The following CACNA1E variants were observed in gnomAD, a reference collection of about 807,000 sequenced individuals.
The protein encoded by CACNA1E is calcium voltage-gated channel subunit alpha1 E.
A neutral mutation model predicts 259.2 loss-of-function variants in CACNA1E; 40 were observed. The ratio of observed to expected loss-of-function variants is 0.15; its 90% confidence interval spans 0.12 to 0.20. The LOEUF (loss-of-function observed/expected upper bound fraction) is 0.20. Among genes scored for constraint, CACNA1E ranks in the 10% least tolerant of loss-of-function variants. The pLI is 1.00. For missense variants in CACNA1E, 1,874 were observed against 3,040.1 expected (o/e 0.62, Z 9.02); for synonymous variants, 1,104 against 1,138.5 (o/e 0.97, Z 0.61).
In CACNA1E at chr1:181,803,389, C is replaced by T. The variant is rs776501178; in HGVS notation, c.*4555C>T. 7.2e-5 allele frequency: 11 copies of T among 152,304 alleles called. No individual in the cohort carries two copies. Among genetic ancestry groups the T allele is most frequent in the Non-Finnish European group, 1.3e-4 (9 of 68,006 alleles). 9.4% of individuals were successfully genotyped at this position (152,304 alleles called of 1,614,324 possible). A position where few individuals can be genotyped will look rare whatever the true frequency, so the allele number is the denominator to read the frequency against. On this transcript the variant is annotated 3_prime_UTR_variant, in exon 48 of 48. Coordinates refer to ENST00000367573, the MANE Select transcript of CACNA1E (RefSeq NM_001205293.3). Reference sequence around the variant, plus strand: ...GACTCTTATTTTAACAAAATCCAAACAAAATTAACTCAGGGCTTGTGACCT... The same window carrying T: ...GACTCTTATTTTAACAAAATCCAAATAAAATTAACTCAGGGCTTGTGACCT...
chr1:181,414,929 A>G (rs888467392), intron 2 of CACNA1E, among the ~76,000 whole-genome samples: 1 of 152,242 alleles, frequency 6.6e-6, no homozygotes. Context: ...TGCCATGGTA[A>G]GAGCACTGGT....
intron 1 of CACNA1E, among the ~76,000 whole-genome samples, chr1:181,334,770 C>A (rs748039079): frequency 1.3e-5 from 2 of 152,210 alleles, no homozygotes; most frequent in African/African-American, 2.4e-5. Context: ...AGTGTGTTCT[C>A]AACCCAGCAG....
At chr1:181,753,228 G>A (rs1657757304) in intron 27 of CACNA1E, among the ~76,000 whole-genome samples, 1 of 152,200 alleles carries the variant, frequency 6.6e-6, no homozygotes, top group Non-Finnish European at 1.5e-5. Flanking sequence ...GCTTCTCAAG[G>A]TGTGGGTCAT....
At chr1:181,737,729 C>G in intron 23 of CACNA1E, 75 bp downstream of exon 23, 1 of 1,542,620 alleles carries the variant, frequency 6.5e-7, no homozygotes, top group Non-Finnish European at 8.8e-7. Context: ...GGAGGTGAAC[C>G]GAGATGGTAG....
intron 1 of CACNA1E, among the ~76,000 whole-genome samples, chr1:181,341,423 T>A (rs913749754): frequency 1.2e-4 from 18 of 152,220 alleles, no homozygotes; most frequent in African/African-American, 4.3e-4. Context: ...TAGAGAATAA[T>A]GAAACACCCC....
chr1:181,386,320 G>A (rs1434470362), intron 1 of CACNA1E, among the ~76,000 whole-genome samples: 1 of 152,202 alleles, frequency 6.6e-6, no homozygotes, highest in Non-Finnish European at 1.5e-5. Flanking sequence ...GGGCAGGGGA[G>A]GTGTTCCAGC....
intron 21 of CACNA1E, among the ~76,000 whole-genome samples, chr1:181,734,602 C>T (rs1490172671): frequency 1.4e-5 from 2 of 143,918 alleles, no homozygotes; most frequent in African/African-American, 2.6e-5. Flanking sequence ...CCTATCCTTG[C>T]CCTGACCCCA....
At chr1:181,672,021 G>A (rs1351910814) in intron 7 of CACNA1E, among the ~76,000 whole-genome samples, 1 of 152,178 alleles carries the variant, frequency 6.6e-6, no homozygotes, top group Non-Finnish European at 1.5e-5. Flanking sequence ...TAAAGAAAAT[G>A]TGGTACATAT....
At chr1:181,745,431 A>G (rs960103229) in intron 25 of CACNA1E, 4 of 452,744 alleles carry the variant, frequency 8.8e-6, no homozygotes, top group East Asian at 5.8e-5. Context: ...AAATGATCCA[A>G]TCAGGGAACA....
rs1056711529 is a variant in CACNA1E, at chr1:181,717,430, G to A, written c.1525+128G>A. ...TCTACCTCTTCACGCTGTGAGGGAG[G>A]CCACATCGTCCTCAAGGGGGCTGGA... is the stretch of plus-strand genomic sequence containing the variant. On this transcript the variant is annotated intron_variant, in intron 11 of 47. Coordinates refer to ENST00000367573, the MANE Select transcript of CACNA1E (RefSeq NM_001205293.3). The A allele has an allele frequency of 4.1e-6, 3 of 728,746 alleles. No homozygotes were observed. The East Asian group carries it at 7.7e-5, about 19-fold the overall frequency. The allele number at this position is 728,746 out of a possible 1,614,324, so 45.1% of individuals were successfully genotyped here.
intron 6 of CACNA1E, among the ~76,000 whole-genome samples, chr1:181,609,589 C>T (rs918205942): frequency 1.3e-5 from 2 of 152,100 alleles, no homozygotes; most frequent in African/African-American, 4.8e-5. Context: ...AGCTCAAACA[C>T]AGGGTGGGGA....
At chr1:181,771,996 G>A in intron 36 of CACNA1E, 70 bp from the exon 37 acceptor site, 1 of 1,455,324 alleles carries the variant, frequency 6.9e-7, no homozygotes, top group Non-Finnish European at 9.5e-7. Context: ...GGGAAATTGG[G>A]AAAGAGGACC....
rs571237279 is a variant in CACNA1E, at chr1:181,757,973, C to T, written c.4356C>T (p.Ser1452=). The change falls in exon 31 of 48, where the codon AGC becomes AGT. Residue 1452 remains serine, a synonymous_variant. Coordinates refer to ENST00000367573, the MANE Select transcript of CACNA1E (RefSeq NM_001205293.3). ...GGGCGTGCATCGACTTCGCCATCAGCGCCAAACCTCTCACCCGCTACATGC... is the reference window on the plus strand; with the variant it reads ...GGGCGTGCATCGACTTCGCCATCAGTGCCAAACCTCTCACCCGCTACATGC... ...NERACIDFAI[S]AKPLTRYMPQ... 6.0e-5 allele frequency: 97 copies of T among 1,613,980 alleles called. No individual in the cohort carries two copies. Among genetic ancestry groups the T allele is most frequent in the Middle Eastern group, 1.6e-4 (1 of 6,062 alleles).
At chr1:181,694,749 A>G (rs1365238227) in intron 7 of CACNA1E, among the ~76,000 whole-genome samples, 2 of 152,210 alleles carry the variant, frequency 1.3e-5, no homozygotes, top group Non-Finnish European at 2.9e-5. Context: ...ACAGGCATCT[A>G]TAAAAAACCT....
chr1:181,359,927 T>C (rs376144667), intron 1 of CACNA1E, among the ~76,000 whole-genome samples: 42 of 152,320 alleles, frequency 2.8e-4, no homozygotes, highest in African/African-American at 9.9e-4. Flanking sequence ...CGGTCATGAA[T>C]TCACACTGGC....
intron 27 of CACNA1E, among the ~76,000 whole-genome samples, chr1:181,752,661 A>G (rs950128220): frequency 1.3e-5 from 2 of 152,218 alleles, no homozygotes; most frequent in African/African-American, 2.4e-5. Flanking sequence ...TTATAACTCA[A>G]GAGGAGAAGA....
At chr1:181,410,459 C>A (rs894262948) in intron 1 of CACNA1E, among the ~76,000 whole-genome samples, 1 of 152,130 alleles carries the variant, frequency 6.6e-6, no homozygotes, top group African/African-American at 2.4e-5. Flanking sequence ...CAAGGAAGAC[C>A]AGTCCAGATG....
chr1:181,678,003 G>T (rs1649549879), intron 7 of CACNA1E, among the ~76,000 whole-genome samples: 1 of 152,226 alleles, frequency 6.6e-6, no homozygotes, highest in African/African-American at 2.4e-5. Context: ...AGTTACTGTG[G>T]GTGCTGGATG....
chr1:181,340,379 T>A (rs1652061667), intron 1 of CACNA1E, among the ~76,000 whole-genome samples: 2 of 152,136 alleles, frequency 1.3e-5, no homozygotes, highest in Admixed American at 6.5e-5. Context: ...GTATGGCTAG[T>A]CATTTTTGAT....
Sources: allele counts gnomAD v4.1 joint callset (sites outside exome capture counted in the v4.1 genomes callset), GRCh38; gene constraint gnomAD v4.1.1; transcripts MANE v1.5; gene names NCBI Gene and HGNC (gene_info 2026-07-23, HGNC 2026-07-21).